The following DFFA variants were observed in gnomAD, a reference collection of about 807,000 sequenced individuals.
DFFA encodes DNA fragmentation factor subunit alpha.
DFFA carries 14 observed loss-of-function variants against 28.0 expected under a neutral mutation model. That is an observed-to-expected ratio of 0.50 (90% CI 0.33 to 0.78). The LOEUF (loss-of-function observed/expected upper bound fraction) is 0.78. DFFA is among the 30% of genes least tolerant of loss of function. The pLI is 0.02. For synonymous variants in DFFA, 158 were observed against 170.3 expected (o/e 0.93, Z 0.56); for missense variants, 395 against 407.1 (o/e 0.97, Z 0.26).
chr1:10,472,178 T>G lies in DFFA; in HGVS notation c.136+145A>C, dbSNP rs1000407027. Reference sequence around the variant, plus strand: ...AGCGCCTTAAATCTGTAAATCGCTATGCCCACTCGGACCGTTTCTGTCCCA... The same window carrying G: ...AGCGCCTTAAATCTGTAAATCGCTAGGCCCACTCGGACCGTTTCTGTCCCA... On this transcript the variant is annotated intron_variant, in intron 1 of 5. Transcript: ENST00000377038. The surrounding 1 kb of genome is among the most constrained non-coding windows in gnomAD (Gnocchi z 5.0). The G allele has an allele frequency of 2.3e-5, 22 of 972,704 alleles. No homozygotes were observed. The highest frequency in any genetic ancestry group is 3.0e-5 in the Non-Finnish European group (21 of 689,840). 60.3% of individuals were successfully genotyped at this position (972,704 alleles called of 1,614,324 possible).
chr1:10,469,081 A>C (rs1641058618), intron 2 of DFFA, 96 bp downstream of exon 2: 27 of 1,319,422 alleles, frequency 2.0e-5, no homozygotes, highest in Non-Finnish European at 2.9e-5. Flanking sequence ...CAAATGCTTA[A>C]AAAGCCAGAC....
chr1:10,461,434 G>C lies in DFFA; in HGVS notation c.*56C>G. On this transcript the variant is annotated 3_prime_UTR_variant, in exon 6 of 6. Transcript: ENST00000377038. ...TAGGTAGTCAAATGATGAGGCTGAG[G>C]GTGTCTACCAATAACACAACGCCAC... is the stretch of plus-strand genomic sequence containing the variant. The C allele has an allele frequency of 6.4e-7, 1 of 1,562,786 alleles. No individual in the cohort carries two copies. The highest frequency in any genetic ancestry group is 1.3e-5 in the African/African-American group (1 of 74,220).
intron 3 of DFFA, among the ~76,000 whole-genome samples, chr1:10,464,096 A>ATT (rs564849257): frequency 1.5e-4 from 22 of 143,204 alleles, no homozygotes; most frequent in South Asian, 2.2e-4. Flanking sequence ...AATTTTTCTA[A>ATT]TTTTTTTTTT....
At chr1:10,461,733 G>T in intron 5 of DFFA, 31 bp from the exon 6 acceptor site, 1 of 1,610,984 alleles carries the variant, frequency 6.2e-7, no homozygotes, top group African/African-American at 1.3e-5. Context: ...CCTGAGAACT[G>T]GGCCTTCTGT....
intron 1 of DFFA, among the ~76,000 whole-genome samples, chr1:10,469,867 C>T (rs1218233196): frequency 2.1e-5 from 3 of 145,228 alleles, no homozygotes; most frequent in South Asian, 4.3e-4. Context: ...GACAGGCTGG[C>T]GTGCAGTAGT....
At chr1:10,471,934 C>A (rs188907825) in intron 1 of DFFA, among the ~76,000 whole-genome samples, 249 of 152,226 alleles carry the variant, frequency 1.6e-3, no homozygotes, top group African/African-American at 5.7e-3. Context: ...CCTGCCAGAG[C>A]GGACGGTGGA....
intron 1 of DFFA, among the ~76,000 whole-genome samples, chr1:10,471,218 A>T (rs980437215): frequency 6.6e-6 from 1 of 152,282 alleles, no homozygotes. Context: ...TCTCCAGGAC[A>T]GGTCTGTACT....
At chr1:10,463,375 G>A in intron 4 of DFFA, 56 bp downstream of exon 4, 2 of 1,566,150 alleles carry the variant, frequency 1.3e-6, no homozygotes, top group South Asian at 2.4e-5. Context: ...TCCTCCCAAG[G>A]GACGCCTCCA....
intron 5 of DFFA, chr1:10,461,906 G>C (rs890834900): frequency 3.6e-5 from 35 of 967,946 alleles, no homozygotes; most frequent in East Asian, 2.3e-4. Context: ...CCAGGCTGGA[G>C]TGCAGTGACA....
chr1:10,467,327 C>T lies in DFFA; in HGVS notation c.304G>A (p.Gly102Ser). The T allele has an allele frequency of 6.2e-7, 1 of 1,614,142 alleles. No individual in the cohort carries two copies. Among genetic ancestry groups the T allele is most frequent in the Non-Finnish European group, 8.5e-7 (1 of 1,180,016 alleles). Residue 102 changes from glycine to serine, a missense_variant, in exon 3 of 6, where the codon GGT becomes AGT. Physicochemically the swap from Gly to Ser is moderately conservative, Grantham distance 56. Transcript: ENST00000377038. ...GACTCTTGGGAAATCCAAGCTGTAC[C>T]TCCATCTGACACATGGGAGAAAATG... Reference protein sequence around the residue: ...EKWAYNNSDGGTAWISQESFD... With the variant: ...EKWAYNNSDGSTAWISQESFD...
In DFFA at chr1:10,457,894, TC is replaced by T. The variant is rs1640882361; in HGVS notation, c.*3595del. ...GACGAGTCAACGAACGCTCTGTGTG[TC>T]TAACAGAAATAAAATATTCTGGCTG... is the stretch of plus-strand genomic sequence containing the variant. On this transcript the variant is annotated 3_prime_UTR_variant, in exon 6 of 6. Transcript: ENST00000377038. 1 of 151,700 alleles carries T rather than the reference TC, an allele frequency of 6.6e-6. No individual in the cohort carries two copies. The highest frequency in any genetic ancestry group is 2.1e-4 in the South Asian group (1 of 4,804). 9.4% of individuals were successfully genotyped at this position (151,700 alleles called of 1,614,324 possible).
rs562696115 is a variant in DFFA at position 10,461,346 on chromosome 1, G to T, written c.*144C>A. The T allele has an allele frequency of 2.2e-6, 3 of 1,386,038 alleles. No homozygotes were observed. Among genetic ancestry groups the T allele is most frequent in the East Asian group, 2.5e-5 (1 of 39,490 alleles). 85.9% of individuals were successfully genotyped at this position (1,386,038 alleles called of 1,614,324 possible). A position where few individuals can be genotyped will look rare whatever the true frequency, so the allele number is the denominator to read the frequency against. ...CTAAAAAAAAAATTGGTGGAACGGCGTATGTTGAGACCTGGAATAGCTTCT... is the reference window on the plus strand; with the variant it reads ...CTAAAAAAAAAATTGGTGGAACGGCTTATGTTGAGACCTGGAATAGCTTCT... On this transcript the variant is annotated 3_prime_UTR_variant, in exon 6 of 6. Coordinates refer to ENST00000377038, the MANE Select transcript of DFFA (RefSeq NM_004401.3).
Position 10,463,042 on chromosome 1 carries a change from C to T in DFFA, c.783+16G>A, listed in dbSNP as rs376439859. ...ATGTCCTCCTCTGTAGCTCAGTGAC[C>T]CTGGTTTCCGCCCACCTCCAAATCC... is the stretch of plus-strand genomic sequence containing the variant. On this transcript the variant is annotated intron_variant, in intron 5 of 5. Transcript: ENST00000377038. The T allele has an allele frequency of 6.2e-7, 1 of 1,613,880 alleles. No homozygotes were observed. The highest frequency in any genetic ancestry group is 8.5e-7 in the Non-Finnish European group (1 of 1,179,924).
intron 3 of DFFA, among the ~76,000 whole-genome samples, chr1:10,466,216 CT>C (rs1273801701): frequency 6.6e-6 from 1 of 152,102 alleles, no homozygotes; most frequent in African/African-American, 2.4e-5. Context: ...TGGAGTCTCT[CT>C]CTGTCACCCA....
At position 10,460,929 on chromosome 1, in the gene DFFA, G is replaced by A. The variant is rs1321035765; in HGVS notation, c.*561C>T. ...TTACTTTTTTTTTTTTTTTTTTTGA[G>A]ACGGAGTCTCGCTCTGTTGCCCAGG... On this transcript the variant is annotated 3_prime_UTR_variant, in exon 6 of 6. Coordinates refer to ENST00000377038, the MANE Select transcript of DFFA (RefSeq NM_004401.3). 1.8e-5 allele frequency: 2 copies of A among 112,798 alleles called. No homozygotes were observed. The highest frequency in any genetic ancestry group is 7.0e-5 in the African/African-American group (2 of 28,716). 7.0% of individuals were successfully genotyped at this position (112,798 alleles called of 1,614,324 possible).
At position 10,461,419 on chromosome 1, in the gene DFFA, A is replaced by G; in HGVS notation, c.*71T>C. ...GGGTAGAGTAGTACATAGGTAGTCAAATGATGAGGCTGAGGGTGTCTACCA... is the reference window on the plus strand; with the variant it reads ...GGGTAGAGTAGTACATAGGTAGTCAGATGATGAGGCTGAGGGTGTCTACCA... On this transcript the variant is annotated 3_prime_UTR_variant, in exon 6 of 6. Transcript: ENST00000377038. 9.1e-6 allele frequency: 14 copies of G among 1,534,424 alleles called. No homozygotes were observed. The highest frequency in any genetic ancestry group is 1.2e-5 in the Non-Finnish European group (14 of 1,136,320).
At position 10,461,294 on chromosome 1, in the gene DFFA, T is replaced by G; in HGVS notation, c.*196A>C. On this transcript the variant is annotated 3_prime_UTR_variant, in exon 6 of 6. Coordinates refer to ENST00000377038, the MANE Select transcript of DFFA (RefSeq NM_004401.3). The stretch of plus-strand genomic sequence containing the variant: ...GTTGGTGCAGCTATATCATTCAAAA[T>G]TGGCAGAAGTCCTGAAGCTGGTGGG... 1.4e-6 allele frequency: 1 copy of G among 712,826 alleles called. No homozygotes were observed. 44.2% of individuals were successfully genotyped at this position (712,826 alleles called of 1,614,324 possible).
intron 1 of DFFA, 74 bp from the exon 2 acceptor site, chr1:10,469,412 T>G: frequency 7.1e-7 from 1 of 1,399,350 alleles, no homozygotes; most frequent in Non-Finnish European, 9.9e-7. Flanking sequence ...ATCTCAAGTA[T>G]GTATGGCTCC....
chr1:10,462,219 C>T (rs34372628), intron 5 of DFFA, among the ~76,000 whole-genome samples: 27,340 of 152,090 alleles, frequency 0.18, 2,679 homozygotes, highest in Non-Finnish European at 0.23. Flanking sequence ...TGCAGTGGCG[C>T]GATCTTAGCT....
Sources: gnomAD v4.1 joint callset for allele counts (sites outside exome capture counted in the v4.1 genomes callset) on GRCh38, gnomAD v4.1.1 for gene constraint, Gnocchi (gnomAD v3.1) non-coding constraint, MANE v1.5 for transcripts, NCBI Gene and HGNC (gene_info 2026-07-23, HGNC 2026-07-21) for gene names.